ITSN1: variants seen among roughly 807,000 people sequenced by gnomAD.
ITSN1 encodes intersectin-1.
Under a neutral mutation model 239.8 loss-of-function variants are expected in ITSN1, and 58 were observed. The observed-to-expected ratio is 0.24, with a 90% confidence interval of 0.20 to 0.30. The LOEUF (loss-of-function observed/expected upper bound fraction) is 0.30. Ranked by LOEUF, ITSN1 falls within the 10% of genes least tolerant of loss-of-function variation. The pLI is 1.00. For synonymous variants in ITSN1, 780 were observed against 770.8 expected (o/e 1.01, Z -0.20); for missense variants, 1,558 against 2,103.3 (o/e 0.74, Z 5.07).
intron 34 of ITSN1, among the ~76,000 whole-genome samples, chr21:33,877,061 T>C (rs1387015672): frequency 7.8e-6 from 1 of 129,032 alleles, no homozygotes; most frequent in Non-Finnish European, 1.6e-5. Flanking sequence ...GTGGGCACCT[T>C]TTTTTTTTTT....
At chr21:33,683,900 G>T (rs971060623) in intron 1 of ITSN1, among the ~76,000 whole-genome samples, 2 of 152,280 alleles carry the variant, frequency 1.3e-5, no homozygotes, top group South Asian at 4.1e-4. Context: ...TTGGGAATGT[G>T]TGCAAGAATG....
chr21:33,837,989 C>G (rs988473385), intron 29 of ITSN1: 3 of 985,648 alleles, frequency 3.0e-6, no homozygotes, highest in Middle Eastern at 5.2e-4. Context: ...AAGTAATTTT[C>G]TTGACAAGAA....
At chr21:33,688,904 C>T (rs1441385554) in intron 1 of ITSN1, among the ~76,000 whole-genome samples, 1 of 151,784 alleles carries the variant, frequency 6.6e-6, no homozygotes, top group Non-Finnish European at 1.5e-5. Context: ...TGCACTGCAC[C>T]CTCTGCCTCC....
chr21:33,691,023 C>T (rs1039239188), intron 1 of ITSN1, among the ~76,000 whole-genome samples: 1 of 151,150 alleles, frequency 6.6e-6, no homozygotes, highest in Non-Finnish European at 1.5e-5. Context: ...TCTCTTCATC[C>T]TTCGTAGGCT....
chr21:33,727,040 C>G (rs2065872892), intron 4 of ITSN1, among the ~76,000 whole-genome samples: 1 of 152,152 alleles, frequency 6.6e-6, no homozygotes, highest in Non-Finnish European at 1.5e-5. Flanking sequence ...GCTTTGGGGA[C>G]TCCTTGTCTC....
At chr21:33,873,409 G>A (rs1983083998) in intron 33 of ITSN1, among the ~76,000 whole-genome samples, 1 of 152,206 alleles carries the variant, frequency 6.6e-6, no homozygotes. Flanking sequence ...GTTTTTAGGG[G>A]CCTGGAAGTC....
Position 33,861,352 on chromosome 21 carries a change from G to T in ITSN1, c.3890+2560G>T, listed in dbSNP as rs1371946116. 3.3e-5 allele frequency among the ~76,000 whole-genome samples: 5 copies of T among 152,050 alleles called. No homozygotes were observed. In the East Asian group the frequency reaches 9.6e-4, roughly 29 times the overall value. On this transcript the variant is annotated intron_variant, in intron 31 of 39. Coordinates refer to ENST00000381318, the MANE Select transcript of ITSN1 (RefSeq NM_003024.3). The stretch of plus-strand genomic sequence containing the variant: ...AATCCCTGGAGTGCCACCAGTGAGC[G>T]GCCATATGTCTGCTACTCCTGATCC...
chr21:33,877,680 A>T (rs1164893141), intron 34 of ITSN1, among the ~76,000 whole-genome samples: 2 of 152,080 alleles, frequency 1.3e-5, no homozygotes, highest in Non-Finnish European at 2.9e-5. Context: ...TCTGCACCCT[A>T]TGTAGTGAGT....
intron 29 of ITSN1, among the ~76,000 whole-genome samples, chr21:33,846,190 G>C (rs569495174): frequency 1.6e-4 from 25 of 152,184 alleles, no homozygotes; most frequent in African/African-American, 6.0e-4. Flanking sequence ...CAGAATTCTT[G>C]AGTCTCATTT....
At chr21:33,847,110 C>T (rs1602577953) in intron 29 of ITSN1, among the ~76,000 whole-genome samples, 4 of 152,152 alleles carry the variant, frequency 2.6e-5, no homozygotes, top group Admixed American at 1.3e-4. Context: ...TAGGAGAGAC[C>T]GACCCCAGGG....
intron 27 of ITSN1, among the ~76,000 whole-genome samples, chr21:33,833,916 A>G (rs1192033279): frequency 7.4e-6 from 1 of 135,724 alleles, no homozygotes; most frequent in Non-Finnish European, 1.5e-5. Flanking sequence ...ATTGGTGGCC[A>G]TTATTATTAT....
rs947696379 is a variant in ITSN1, at chr21:33,705,536, T to C, written c.-32-13261T>C. ...CCGAGTAGCTGCGACTACAGGTGCC[T>C]GCCACCACACCCGGCTAATTTTTTT... On this transcript the variant is annotated intron_variant, in intron 1 of 39. Coordinates refer to ENST00000381318, the MANE Select transcript of ITSN1 (RefSeq NM_003024.3). 8.6e-5 allele frequency among the ~76,000 whole-genome samples: 13 copies of C among 150,740 alleles called. No individual in the cohort carries two copies. The East Asian group carries it at 1.9e-3, about 23-fold the overall frequency.
intron 33 of ITSN1, among the ~76,000 whole-genome samples, chr21:33,868,904 G>A (rs1469844352): frequency 1.3e-5 from 2 of 152,090 alleles, no homozygotes; most frequent in Non-Finnish European, 2.9e-5. Flanking sequence ...CTTCAGATGT[G>A]TGACCAAGTG....
intron 1 of ITSN1, among the ~76,000 whole-genome samples, chr21:33,677,088 T>C (rs531585680): frequency 1.3e-5 from 2 of 151,964 alleles, no homozygotes; most frequent in South Asian, 4.2e-4. Flanking sequence ...CACACCAACA[T>C]GGCACATGTA....
intron 10 of ITSN1, among the ~76,000 whole-genome samples, chr21:33,766,488 C>T (rs1437042508): frequency 6.6e-6 from 1 of 152,164 alleles, no homozygotes; most frequent in East Asian, 1.9e-4. Flanking sequence ...ACCTGAGGTC[C>T]AGTATTGTGA....
chr21:33,756,544 C>A lies in ITSN1; in HGVS notation c.724+1147C>A, dbSNP rs943068362. Among the ~76,000 whole-genome samples, 219 of 151,962 alleles carry A rather than the reference C, an allele frequency of 1.4e-3. 2 individuals are homozygous for A. The highest frequency in any genetic ancestry group is 7.8e-4 in the Non-Finnish European group (53 of 67,950). On this transcript the variant is annotated intron_variant, in intron 8 of 39. Coordinates refer to ENST00000381318, the MANE Select transcript of ITSN1 (RefSeq NM_003024.3). ...TACTTAAAATTGCAATTTTTACTCC[C>A]AAAAGAAAAAAGGTATCTTATGTTT... is the stretch of plus-strand genomic sequence containing the variant.
chr21:33,649,133 G>T (rs1365561444), intron 1 of ITSN1, among the ~76,000 whole-genome samples: 2 of 152,206 alleles, frequency 1.3e-5, no homozygotes, highest in Non-Finnish European at 2.9e-5. Context: ...ACAGCTGGGT[G>T]TGTGTGTCCA....
intron 22 of ITSN1, among the ~76,000 whole-genome samples, chr21:33,816,684 G>A (rs992581969): frequency 6.6e-6 from 1 of 152,136 alleles, no homozygotes; most frequent in Non-Finnish European, 1.5e-5. Context: ...CCAACCCTGG[G>A]GTCCATACGT....
At chr21:33,746,424 G>T (rs990195102) in intron 5 of ITSN1, among the ~76,000 whole-genome samples, 1 of 152,058 alleles carries the variant, frequency 6.6e-6, no homozygotes, top group African/African-American at 2.4e-5. Flanking sequence ...TACGTTCAAA[G>T]AACTGAAGAA....
Sources: allele counts gnomAD v4.1 joint callset (sites outside exome capture counted in the v4.1 genomes callset), GRCh38; gene constraint gnomAD v4.1.1; transcripts MANE v1.5; gene names NCBI Gene and HGNC (gene_info 2026-07-23, HGNC 2026-07-21).